The following ATAD2B variants were observed in gnomAD, a reference collection of about 807,000 sequenced individuals.
ATAD2B encodes the protein ATPase family AAA domain-containing protein 2B.
ATAD2B carries 40 observed loss-of-function variants against 167.6 expected under a neutral mutation model. That is an observed-to-expected ratio of 0.24 (90% CI 0.19 to 0.31). The LOEUF is 0.31. Among genes scored for constraint, ATAD2B ranks in the 10% least tolerant of loss-of-function variants. The pLI, the probability that ATAD2B is intolerant of heterozygous loss-of-function variation, is 1.00. For missense variants in ATAD2B, 1,242 were observed against 1,757.2 expected (o/e 0.71, Z 5.24); for synonymous variants, 579 against 596.5 (o/e 0.97, Z 0.43).
intron 8 of ATAD2B, chr2:23,872,911 T>G: frequency 1.3e-6 from 1 of 773,038 alleles, no homozygotes; most frequent in East Asian, 2.4e-5. Context: ...CATCTCCTTA[T>G]GGCCCGCCGG....
At chr2:23,870,098 T>G (rs1311645497) in intron 8 of ATAD2B, among the ~76,000 whole-genome samples, 1 of 145,254 alleles carries the variant, frequency 6.9e-6, no homozygotes, top group Non-Finnish European at 1.6e-5. Context: ...TCCCAGCTAC[T>G]CGGGAGGCTG....
the ATAD2B span, among the ~76,000 whole-genome samples, chr2:23,693,681 C>T: frequency 6.6e-6 from 1 of 152,172 alleles, no homozygotes; most frequent in Admixed American, 6.5e-5. Flanking sequence ...GGTGAGAAAC[C>T]AGTCACCAAA....
the ATAD2B span, among the ~76,000 whole-genome samples, chr2:23,716,438 A>ATTGTTGTTGTTG: frequency 6.0e-4 from 90 of 150,196 alleles, no homozygotes; most frequent in Non-Finnish European, 8.8e-4. Flanking sequence ...GGGACCTTTC[A>ATTGTTGTTGTTG]TTGTTGTTGT....
chr2:23,752,852 C>G (rs1303656797), intron 27 of ATAD2B, among the ~76,000 whole-genome samples: 1 of 152,074 alleles, frequency 6.6e-6, no homozygotes, highest in African/African-American at 2.4e-5. Context: ...TCACTACCAC[C>G]ATGAAAGCCA....
chr2:23,710,750 C>T, the ATAD2B span, among the ~76,000 whole-genome samples: 8 of 152,138 alleles, frequency 5.3e-5, no homozygotes, highest in Non-Finnish European at 7.4e-5. Flanking sequence ...GCTACATTGC[C>T]GTTACGTTGT....
At chr2:23,747,741 C>T (rs1411218266), downstream of ATAD2B, among the ~76,000 whole-genome samples, 27 of 152,070 alleles carry the variant, frequency 1.8e-4, no homozygotes, top group Admixed American at 1.8e-3. Context: ...GGCATAATGT[C>T]AGGCACATAA....
Position 23,783,008 on chromosome 2 carries a change from T to G in ATAD2B, c.2994A>C (p.Val998=). Residue 998 remains valine, a synonymous_variant, in exon 22 of 28, where the codon GTA becomes GTC. Coordinates refer to ENST00000238789, the MANE Select transcript of ATAD2B (RefSeq NM_017552.4). ...DIEEVSDYLE[V]IKEPMDLSTV... ...TTGATAAGTCCATTGGTTCCTTGAT[T>G]ACTTCAAGATAATCTGAAACCTAAA... 1 of 1,534,060 alleles carries G rather than the reference T, an allele frequency of 6.5e-7. No individual in the cohort carries two copies. Among genetic ancestry groups the G allele is most frequent in the Non-Finnish European group, 9.0e-7 (1 of 1,116,966 alleles).
intron 22 of ATAD2B, among the ~76,000 whole-genome samples, chr2:23,779,198 C>CAA (rs1679626087): frequency 2.6e-5 from 3 of 113,716 alleles, no homozygotes; most frequent in Non-Finnish European, 5.0e-5. Context: ...TTTTTTGAGA[C>CAA]AGAGTCTCGC....
intron 11 of ATAD2B, among the ~76,000 whole-genome samples, chr2:23,864,265 A>G (rs570257586): frequency 6.6e-6 from 1 of 152,246 alleles, no homozygotes; most frequent in African/African-American, 2.4e-5. Context: ...TCGGGATCCC[A>G]AAGTACTGGG....
intron 2 of ATAD2B, among the ~76,000 whole-genome samples, chr2:23,889,714 G>A (rs1699198732): frequency 6.6e-6 from 1 of 151,666 alleles, no homozygotes; most frequent in South Asian, 2.1e-4. Context: ...GAGGTCAGGA[G>A]TTCGAGACCA....
intron 13 of ATAD2B, among the ~76,000 whole-genome samples, chr2:23,847,286 A>C (rs1201481410): frequency 6.6e-6 from 1 of 151,076 alleles, no homozygotes; most frequent in Non-Finnish European, 1.5e-5. Flanking sequence ...CAGGCGGATC[A>C]CAAGGTCAGG....
intron 9 of ATAD2B, 111 bp from the exon 10 acceptor site, chr2:23,868,057 C>A (rs1353543685): frequency 1.6e-5 from 11 of 704,894 alleles, no homozygotes; most frequent in Non-Finnish European, 2.4e-5. Flanking sequence ...TTTCTCATAA[C>A]CCAGAAAATA....
intron 1 of ATAD2B, among the ~76,000 whole-genome samples, chr2:23,901,581 T>C (rs1284048363): frequency 6.6e-6 from 1 of 152,084 alleles, no homozygotes; most frequent in Non-Finnish European, 1.5e-5. Flanking sequence ...AATTCCATGA[T>C]AACAAGGAAA....
intron 8 of ATAD2B, among the ~76,000 whole-genome samples, chr2:23,873,459 T>C (rs981011052): frequency 1.3e-5 from 2 of 152,228 alleles, no homozygotes; most frequent in African/African-American, 4.8e-5. Context: ...TAGTATAGTG[T>C]TTGCACATTG....
At chr2:23,755,202 TC>T (rs1368587156) in intron 25 of ATAD2B, 1 of 152,956 alleles carries the variant, frequency 6.5e-6, no homozygotes, top group Admixed American at 6.5e-5. Context: ...CACATTTGCC[TC>T]CCAACCTAAA....
At chr2:23,819,530 T>C (rs1340050463) in intron 17 of ATAD2B, among the ~76,000 whole-genome samples, 2 of 151,480 alleles carry the variant, frequency 1.3e-5, no homozygotes, top group Non-Finnish European at 2.9e-5. Context: ...GGAAAGATTC[T>C]TCTACTTGGA....
At chr2:23,713,654 G>A in the ATAD2B span, among the ~76,000 whole-genome samples, 2 of 151,946 alleles carry the variant, frequency 1.3e-5, no homozygotes, top group African/African-American at 4.8e-5. Flanking sequence ...TCATAAAAAT[G>A]GAATCATACA....
intron 16 of ATAD2B, 51 bp downstream of exon 16, chr2:23,823,207 T>C: frequency 1.5e-6 from 2 of 1,349,708 alleles, no homozygotes; most frequent in South Asian, 1.4e-5. Flanking sequence ...TATATTTATT[T>C]ATTCCTGTAT....
At chr2:23,807,845 A>G (rs1684716140) in intron 18 of ATAD2B, among the ~76,000 whole-genome samples, 1 of 132,432 alleles carries the variant, frequency 7.6e-6, no homozygotes, top group Non-Finnish European at 1.6e-5. Context: ...ATATATATAT[A>G]ATAAAATATA....
Sources: gnomAD v4.1 joint callset for allele counts (sites outside exome capture counted in the v4.1 genomes callset) on GRCh38, gnomAD v4.1.1 for gene constraint, MANE v1.5 for transcripts, NCBI Gene and HGNC (gene_info 2026-07-23, HGNC 2026-07-21) for gene names.